The following ADAMTSL2 variants were observed in gnomAD, a reference collection of about 807,000 sequenced individuals.
ADAMTSL2 encodes ADAMTS-like protein 2.
In ADAMTSL2, 55 loss-of-function variants were observed where a neutral mutation model predicts 117.0. That is an observed-to-expected ratio of 0.47 (90% CI 0.38 to 0.59). The LOEUF (loss-of-function observed/expected upper bound fraction) is 0.59. Among genes scored for constraint, ADAMTSL2 ranks in the 20% least tolerant of loss-of-function variants. The pLI is 0.00. For missense variants in ADAMTSL2, 1,182 were observed against 1,354.5 expected, an observed-to-expected ratio of 0.87 and a Z score of 2.00; for synonymous variants, 572 against 566.4, an observed-to-expected ratio of 1.01 and a Z score of -0.14.
rs1380160637 is a variant in ADAMTSL2 at position 133,562,621 on chromosome 9, G to A, written c.1747+1326G>A. On this transcript the variant is annotated intron_variant, in intron 12 of 18. Coordinates refer to ENST00000651351, the MANE Select transcript of ADAMTSL2 (RefSeq NM_014694.4). ...CCGTGGGCGGCGTGGCGGGCACCCG[G>A]CTGGGCCCGGTTCGCACCGCCGTGG... Among the ~76,000 whole-genome samples, 306 of 113,738 alleles carry A rather than the reference G, an allele frequency of 2.7e-3. 85 individuals are homozygous for A. Among genetic ancestry groups the A allele is most frequent in the African/African-American group, 9.5e-3 (276 of 29,054 alleles). 74.6% of individuals were successfully genotyped at this position (113,738 alleles called of 152,430 possible). A position where few individuals can be genotyped will look rare whatever the true frequency, so the allele number is the denominator to read the frequency against.
chr9:133,540,660 C>T lies in ADAMTSL2; in HGVS notation c.475C>T (p.Arg159Trp), dbSNP rs776178041. Reference protein sequence around the residue: ...DLHCTTVDGQRQLMVPARDGT... With the variant: ...DLHCTTVDGQWQLMVPARDGT... ...GCACTGTACCACCGTGGACGGCCAG[C>T]GGCAGCTCATGGTCCCCGCCCGCGA... Residue 159 changes from arginine to tryptophan, a missense_variant, in exon 6 of 19, where the codon CGG (arginine) becomes TGG (tryptophan). By Grantham distance (101) the Arg-to-Trp change is moderately radical. Coordinates refer to ENST00000651351, the MANE Select transcript of ADAMTSL2 (RefSeq NM_014694.4). 5 of 1,613,616 alleles carry T rather than the reference C, an allele frequency of 3.1e-6. No individual in the cohort carries two copies. Among genetic ancestry groups the T allele is most frequent in the Non-Finnish European group, 4.2e-6 (5 of 1,180,054 alleles).
chr9:133,560,001 A>T (rs1190618551), intron 11 of ADAMTSL2, among the ~76,000 whole-genome samples: 1 of 152,236 alleles, frequency 6.6e-6, no homozygotes, highest in Non-Finnish European at 1.5e-5. Flanking sequence ...CTCCCATTCC[A>T]GTCCAAGCAA....
chr9:133,538,455 G>A (rs1830108557), intron 4 of ADAMTSL2, 31 bp downstream of exon 4: 2 of 1,610,242 alleles, frequency 1.2e-6, no homozygotes, highest in Admixed American at 3.3e-5. Flanking sequence ...GGGCACCATG[G>A]CCTGCTCTCC....
At position 133,552,080 on chromosome 9, in the gene ADAMTSL2, G is replaced by A. The variant is rs1034523484; in HGVS notation, c.940-2277G>A. On this transcript the variant is annotated intron_variant, in intron 9 of 18. Transcript: ENST00000651351. The stretch of plus-strand genomic sequence containing the variant: ...ACTGACCTCATGATTTGCCCGCCTC[G>A]GCCTCCCAAAGTGCTGGGATTACAG... 2.0e-5 allele frequency among the ~76,000 whole-genome samples: 3 copies of A among 152,066 alleles called. No individual in the cohort carries two copies. The East Asian group carries it at 5.8e-4, about 29-fold the overall frequency.
intron 8 of ADAMTSL2, among the ~76,000 whole-genome samples, chr9:133,546,530 G>A (rs1588285734): frequency 6.6e-6 from 1 of 152,272 alleles, no homozygotes; most frequent in African/African-American, 2.4e-5. Context: ...CTGCTCCCGT[G>A]GAGAGGTTGG....
intron 11 of ADAMTSL2, among the ~76,000 whole-genome samples, chr9:133,556,650 T>TGGGCAGCCATGTCTGG (rs1366933360): frequency 2.0e-5 from 3 of 152,180 alleles, no homozygotes; most frequent in African/African-American, 7.2e-5. Flanking sequence ...TGGGTCTACA[T>TGGGCAGCCATGTCTGG]GGGCAGCCAT....
upstream of ADAMTSL2, among the ~76,000 whole-genome samples, chr9:133,533,651 G>A (rs1191413622): frequency 6.6e-6 from 1 of 152,190 alleles, no homozygotes; most frequent in Admixed American, 6.5e-5. Context: ...GTCAGACACA[G>A]GGCAGAACTT....
chr9:133,552,475 G>A (rs993169019), intron 9 of ADAMTSL2, among the ~76,000 whole-genome samples: 69 of 152,340 alleles, frequency 4.5e-4, no homozygotes, highest in African/African-American at 1.6e-3. Context: ...CCTTTATAGT[G>A]TATTGTAATT....
intron 9 of ADAMTSL2, among the ~76,000 whole-genome samples, chr9:133,547,558 T>C (rs2131120092): frequency 6.6e-6 from 1 of 152,352 alleles, no homozygotes; most frequent in East Asian, 1.9e-4. Context: ...CCTCCATCCA[T>C]TCACTGTGGC....
At chr9:133,540,455 C>A in intron 5 of ADAMTSL2, 143 bp from the exon 6 acceptor site, 1 of 1,178,148 alleles carries the variant, frequency 8.5e-7, no homozygotes, top group Non-Finnish European at 1.2e-6. Flanking sequence ...CCACTGAGAC[C>A]TGGACAGGTT....
intron 7 of ADAMTSL2, among the ~76,000 whole-genome samples, chr9:133,541,392 G>A (rs1221175647): frequency 6.6e-6 from 1 of 151,758 alleles, no homozygotes; most frequent in Non-Finnish European, 1.5e-5. Flanking sequence ...AGGTTCGAGC[G>A]ATTCTCATTC....
intron 4 of ADAMTSL2, among the ~76,000 whole-genome samples, chr9:133,538,683 C>G (rs150038594): frequency 6.6e-6 from 1 of 152,144 alleles, no homozygotes; most frequent in African/African-American, 2.4e-5. Flanking sequence ...GCTCCTGGAA[C>G]TTCAAGTGCA....
At chr9:133,569,338 T>C (rs1197722782) in intron 15 of ADAMTSL2, 70 bp from the exon 16 acceptor site, 1 of 1,537,576 alleles carries the variant, frequency 6.5e-7, no homozygotes, top group African/African-American at 1.4e-5. Context: ...CCCTTGGGAC[T>C]GACATCCAGG....
At chr9:133,559,492 C>T (rs1450134841) in intron 11 of ADAMTSL2, among the ~76,000 whole-genome samples, 1 of 151,294 alleles carries the variant, frequency 6.6e-6, no homozygotes, top group Non-Finnish European at 1.5e-5. Flanking sequence ...TACAGGCGCC[C>T]GCCACCACAC....
At chr9:133,556,032 G>A in intron 11 of ADAMTSL2, 102 bp downstream of exon 11, 2 of 1,452,236 alleles carry the variant, frequency 1.4e-6, no homozygotes, top group South Asian at 1.3e-5. Flanking sequence ...CTGGCCAGAA[G>A]GGCTGAGGTC....
intron 12 of ADAMTSL2, among the ~76,000 whole-genome samples, chr9:133,562,962 CGTG>C (rs1377578382): frequency 4.9e-5 from 7 of 143,926 alleles, no homozygotes; most frequent in Admixed American, 2.7e-4. Flanking sequence ...CTGTGGGCGG[CGTG>C]GTGGGCACCT....
At chr9:133,563,837 GA>G (rs1830813215) in intron 12 of ADAMTSL2, among the ~76,000 whole-genome samples, 2 of 53,046 alleles carry the variant, frequency 3.8e-5, no homozygotes, top group African/African-American at 8.1e-5. Flanking sequence ...GAGAGAGAGA[GA>G]GAGAGGGAGA....
upstream of ADAMTSL2, among the ~76,000 whole-genome samples, chr9:133,533,244 AG>A (rs1829979194): frequency 6.6e-6 from 1 of 151,928 alleles, no homozygotes; most frequent in Non-Finnish European, 1.5e-5. Context: ...CAGCGACCCC[AG>A]GGGGCAGTGT....
rs555763103 is a variant in ADAMTSL2 at position 133,539,961 on chromosome 9, G to T, written c.412+88G>T. On this transcript the variant is annotated intron_variant, in intron 5 of 18. Transcript: ENST00000651351. ...CGGCACCTGGGACCAAACTCGACGG[G>T]TGGGCAGGTGGGGAAATGGAGGTGG... is the stretch of plus-strand genomic sequence containing the variant. 1.7e-3 allele frequency: 2,072 copies of T among 1,216,476 alleles called. 4 individuals carry two copies. Among genetic ancestry groups the T allele is most frequent in the Middle Eastern group, 3.2e-3 (17 of 5,306 alleles). The allele number at this position is 1,216,476 out of a possible 1,614,324, so 75.4% of individuals were successfully genotyped here.
Sources: gnomAD v4.1 joint callset for allele counts (sites outside exome capture counted in the v4.1 genomes callset) on GRCh38, gnomAD v4.1.1 for gene constraint, MANE v1.5 for transcripts, NCBI Gene and HGNC (gene_info 2026-07-23, HGNC 2026-07-21) for gene names.